The following CEACAM19 variants were observed in gnomAD, a reference collection of about 807,000 sequenced individuals.
CEACAM19 encodes cell adhesion molecule CEACAM19.
In CEACAM19, 37 loss-of-function variants were observed where a neutral mutation model predicts 37.6. The observed-to-expected ratio is 0.98, with a 90% CI of 0.76 to 1.29. The LOEUF (loss-of-function observed/expected upper bound fraction) is 1.29. CEACAM19 is among the 50% of genes most tolerant of loss of function. The pLI is 0.00. For missense variants in CEACAM19, 340 were observed against 375.6 expected (o/e 0.91, Z 0.78); for synonymous variants, 140 against 149.8 (o/e 0.93, Z 0.48).
At chr19:44,670,715 G>C (rs1264183656), upstream of CEACAM19, among the ~76,000 whole-genome samples, 1 of 135,948 alleles carries the variant, frequency 7.4e-6, no homozygotes, top group Admixed American at 8.5e-5. Context: ...AATTATAGGT[G>C]ACATATTTAA....
At chr19:44,674,461 C>A (rs866534056) in intron 2 of CEACAM19, among the ~76,000 whole-genome samples, 30 of 152,232 alleles carry the variant, frequency 2.0e-4, no homozygotes, top group African/African-American at 6.7e-4. Context: ...AGCCACCATG[C>A]CCAGTCTCAG....
In CEACAM19 at chr19:44,678,902, G is replaced by C. The variant is rs772963138; in HGVS notation, c.625G>C (p.Val209Leu). 46 of 1,613,882 alleles carry C rather than the reference G, an allele frequency of 2.9e-5. No individual in the cohort carries two copies. The highest frequency in any genetic ancestry group is 3.8e-5 in the Non-Finnish European group (45 of 1,179,992). ...QGSLSILCSA[V>L]SPVPSVTPST... ...ATCTCTGTCCATCTTGTGCTCGGCTGTATCCCCAGTGCCTTCAGTGACGCC... is the reference window on the plus strand; with the variant it reads ...ATCTCTGTCCATCTTGTGCTCGGCTCTATCCCCAGTGCCTTCAGTGACGCC... Residue 209 changes from valine (V) to leucine (L), a missense_variant, in exon 4 of 8, where the codon GTA becomes CTA. Physicochemically the swap from Val to Leu is conservative, Grantham distance 32. Transcript: ENST00000358777.
At position 44,672,685 on chromosome 19, in the gene CEACAM19, C is replaced by T; in HGVS notation, c.145C>T (p.Leu49Phe). Residue 49 changes from leucine to phenylalanine, a missense_variant, in exon 2 of 8, where the codon CTT becomes TTT. Leu to Phe is a conservative substitution (Grantham distance 22). Coordinates refer to ENST00000358777, the MANE Select transcript of CEACAM19 (RefSeq NM_001127893.3). ...AGAGCAGCCTCAAAAGAACCAGGAC[C>T]TTCTCCTGTCAGTCCAGGGTGTCCC... ...IPEQPQKNQD[L>F]LLSVQGVPDT... 1.3e-6 allele frequency: 2 copies of T among 1,559,800 alleles called. No homozygotes were observed. Among genetic ancestry groups the T allele is most frequent in the African/African-American group, 1.4e-5 (1 of 72,978 alleles).
At chr19:44,667,632 AAATATAT>A (rs1309726987), upstream of CEACAM19, among the ~76,000 whole-genome samples, 2 of 82,698 alleles carry the variant, frequency 2.4e-5, no homozygotes, top group East Asian at 2.4e-4. Flanking sequence ...ATAAATATAT[AAATATAT>A]AATATATATT....
intron 2 of CEACAM19, among the ~76,000 whole-genome samples, chr19:44,673,489 G>A (rs1472665185): frequency 2.6e-5 from 4 of 152,102 alleles, no homozygotes; most frequent in South Asian, 2.1e-4. Context: ...ACTAGTAGAG[G>A]GTTTGTGCAT....
intron 7 of CEACAM19, 114 bp downstream of exon 7, chr19:44,682,734 C>G: frequency 1.0e-6 from 1 of 960,750 alleles, no homozygotes. Context: ...TCCCCTCGTC[C>G]CCCCAAGCCT....
At chr19:44,677,193 T>G (rs890797912) in intron 3 of CEACAM19, among the ~76,000 whole-genome samples, 18 of 152,164 alleles carry the variant, frequency 1.2e-4, no homozygotes, top group Non-Finnish European at 1.5e-4. Flanking sequence ...TTAACTCAGA[T>G]CACATGACTT....
chr19:44,667,620 TTA>T (rs1973739526), upstream of CEACAM19, among the ~76,000 whole-genome samples: 1 of 96,456 alleles, frequency 1.0e-5, no homozygotes, highest in South Asian at 2.6e-4. Context: ...TATTATATAT[TTA>T]TAAATATATA....
chr19:44,683,194 C>T (rs1974095562), intron 7 of CEACAM19: 3 of 341,992 alleles, frequency 8.8e-6, no homozygotes, highest in African/African-American at 4.3e-5. Flanking sequence ...GCATCTCTGT[C>T]TCTCTCTCTC....
At chr19:44,670,597 C>T (rs1204573508), upstream of CEACAM19, among the ~76,000 whole-genome samples, 1 of 151,542 alleles carries the variant, frequency 6.6e-6, no homozygotes, top group African/African-American at 2.4e-5. Flanking sequence ...ATCACTTGAA[C>T]CTGGGAGGCG....
chr19:44,670,781 GAAAAAAAAAAAAAA>G (rs74691226), upstream of CEACAM19, among the ~76,000 whole-genome samples: 74 of 58,172 alleles, frequency 1.3e-3, 1 homozygote, highest in East Asian at 0.01. Flanking sequence ...CCTGTCTCAA[GAAAAAAAAAAAAAA>G]AAAAAAAAAA....
At chr19:44,668,503 TTA>T (rs1358283554), upstream of CEACAM19, among the ~76,000 whole-genome samples, 3 of 75,466 alleles carry the variant, frequency 4.0e-5, no homozygotes, top group South Asian at 3.9e-4. Context: ...ATTATATATA[TTA>T]TATATTAGTT....
chr19:44,680,004 A>G (rs1192373697), intron 4 of CEACAM19, among the ~76,000 whole-genome samples: 1 of 152,224 alleles, frequency 6.6e-6, no homozygotes, highest in Non-Finnish European at 1.5e-5. Context: ...AGGAAATCAT[A>G]AGACAGGTGG....
At chr19:44,682,328 G>C (rs947428089) in intron 6 of CEACAM19, among the ~76,000 whole-genome samples, 3 of 152,206 alleles carry the variant, frequency 2.0e-5, no homozygotes, top group Non-Finnish European at 2.9e-5. Context: ...GACAGGGGTA[G>C]ACTGAGAGTT....
chr19:44,678,607 C>A (rs1973995201), intron 3 of CEACAM19: 1 of 341,486 alleles, frequency 2.9e-6, no homozygotes, highest in Non-Finnish European at 5.3e-6. Flanking sequence ...GACGGGGTTT[C>A]ACCATGTTGG....
At chr19:44,666,740 A>G (rs1389248975), upstream of CEACAM19, among the ~76,000 whole-genome samples, 1 of 151,552 alleles carries the variant, frequency 6.6e-6, no homozygotes, top group African/African-American at 2.4e-5. Context: ...AACATTGAGG[A>G]TGTGGAGGAT....
chr19:44,667,640 AATAT>A (rs1370308989), upstream of CEACAM19, among the ~76,000 whole-genome samples: 1 of 86,724 alleles, frequency 1.2e-5, no homozygotes, highest in African/African-American at 4.2e-5. Context: ...ATAAATATAT[AATAT>A]ATATTATATA....
chr19:44,681,971 C>G (rs1300091736), intron 6 of CEACAM19, among the ~76,000 whole-genome samples: 1 of 151,404 alleles, frequency 6.6e-6, no homozygotes, highest in Non-Finnish European at 1.5e-5. Flanking sequence ...AAAAGAGAAA[C>G]TTAGCTGGGC....
At position 44,672,735 on chromosome 19, in the gene CEACAM19, G is replaced by C; in HGVS notation, c.195G>C (p.Trp65Cys). 1 of 1,583,446 alleles carries C rather than the reference G, an allele frequency of 6.3e-7. No homozygotes were observed. The highest frequency in any genetic ancestry group is 8.6e-7 in the Non-Finnish European group (1 of 1,163,378). ...CAGACACCTTCCAGGACTTCAACTG[G>C]TACCTGGGGGAGGAGACGTACGGAG... is the stretch of plus-strand genomic sequence containing the variant. ...GVPDTFQDFNWYLGEETYGGT... is the reference protein window; with the variant it reads ...GVPDTFQDFNCYLGEETYGGT... Residue 65 changes from tryptophan to cysteine, a missense_variant, in exon 2 of 8, where the codon TGG becomes TGC. Trp to Cys is a radical substitution (Grantham distance 215). Transcript: ENST00000358777.
Sources: allele counts gnomAD v4.1 joint callset (sites outside exome capture counted in the v4.1 genomes callset), GRCh38; gene constraint gnomAD v4.1.1; transcripts MANE v1.5; gene names NCBI Gene and HGNC (gene_info 2026-07-23, HGNC 2026-07-21).